Variants in TLCD5 observed in about 807,000 individuals in gnomAD.
TLCD5 encodes the protein TLC domain containing 5, also known as TLC domain-containing protein 5.
A neutral mutation model predicts 20.5 loss-of-function variants in TLCD5; 15 were observed. That is an observed-to-expected ratio of 0.73 (90% CI 0.49 to 1.13). TLCD5 has a LOEUF of 1.13. Among genes scored for constraint, TLCD5 ranks in the 50% most tolerant of loss-of-function variants. TLCD5 has a pLI of 0.00. For missense variants in TLCD5, 289 were observed against 305.6 expected (o/e 0.95, Z 0.41); for synonymous variants, 107 against 114.7 (o/e 0.93, Z 0.43).
At chr11:120,326,188 T>C (rs11217818) in intron 1 of TLCD5, among the ~76,000 whole-genome samples, 25,429 of 150,334 alleles carry the variant, frequency 0.17, 2,457 homozygotes, top group Admixed American at 0.29. Flanking sequence ...TCCTCTTCCT[T>C]CTTTTCTTTT....
chr11:120,327,018 G>A (rs573973377), intron 1 of TLCD5: 9 of 252,254 alleles, frequency 3.6e-5, no homozygotes, highest in African/African-American at 1.6e-4. Flanking sequence ...AGAAACCAAC[G>A]TGGCAGTGTT....
intron 1 of TLCD5, chr11:120,327,201 T>A: frequency 1.5e-6 from 1 of 645,952 alleles, no homozygotes; most frequent in African/African-American, 1.8e-5. Context: ...GGAGTGCAGT[T>A]CCTGGTTTCC....
Position 120,330,005 on chromosome 11 carries a change from T to C in TLCD5, c.228T>C (p.His76=), listed in dbSNP as rs762379755. The C allele has an allele frequency of 5.0e-6, 8 of 1,614,112 alleles. No individual in the cohort carries two copies. The highest frequency in any genetic ancestry group is 2.7e-5 in the African/African-American group (2 of 75,060). ...CACCCAATACACCTCTCCAAGTTCA[T>C]GTCCTGTGTCTCACCTTGGGCTACT... is the stretch of plus-strand genomic sequence containing the variant. The part of the protein sequence containing the change: ...PGSPNTPLQV[H]VLCLTLGYFI... Residue 76 remains histidine (H), a synonymous_variant, in exon 3 of 3, where the codon CAT becomes CAC. Coordinates refer to ENST00000375095, the MANE Select transcript of TLCD5 (RefSeq NM_001198671.2).
intron 2 of TLCD5, among the ~76,000 whole-genome samples, chr11:120,328,842 A>AGTGTGTGTGTGTGTGT (rs67336059): frequency 2.7e-5 from 1 of 36,828 alleles, no homozygotes; most frequent in Admixed American, 3.0e-4. Context: ...TAACAGTCAT[A>AGTGTGTGTGTGTGTGT]GTGTGTGTGT....
intron 1 of TLCD5, chr11:120,327,227 C>G (rs1015933465): frequency 1.3e-6 from 1 of 785,192 alleles, no homozygotes; most frequent in Admixed American, 2.9e-5. Context: ...ACAACATTGA[C>G]CAGTTGCTAA....
chr11:120,327,060 T>G, intron 1 of TLCD5: 2 of 293,114 alleles, frequency 6.8e-6, no homozygotes, highest in Non-Finnish European at 1.3e-5. Context: ...TCATTGGGGT[T>G]TTTGAACTGT....
intron 1 of TLCD5, 149 bp from the exon 2 acceptor site, chr11:120,327,292 A>C: frequency 7.4e-7 from 1 of 1,353,106 alleles, no homozygotes; most frequent in African/African-American, 1.5e-5. Context: ...TAAATAGAAG[A>C]TTCTTGGCCG....
In TLCD5 at chr11:120,327,447, A is replaced by G. The variant is rs772629194; in HGVS notation, c.6A>G (p.Ala2=). M[A]LALCLQVLCS... ...TTTGGTCTTTTCATCACAGGATGGC[A>G]TTAGCTCTGTGTCTGCAGGTGCTGT... Residue 2 remains alanine (A), a synonymous_variant, in exon 2 of 3, where the codon GCA becomes GCG. Coordinates refer to ENST00000375095, the MANE Select transcript of TLCD5 (RefSeq NM_001198671.2). 1.9e-6 allele frequency: 3 copies of G among 1,614,202 alleles called. No individual in the cohort carries two copies. The highest frequency in any genetic ancestry group is 2.5e-6 in the Non-Finnish European group (3 of 1,180,034).
In TLCD5 at chr11:120,330,423, T is replaced by A; in HGVS notation, c.646T>A (p.Trp216Arg). Residue 216 changes from tryptophan (W) to arginine (R), a missense_variant, in exon 3 of 3, where the codon TGG becomes AGG. By Grantham distance (101) the Trp-to-Arg change is moderately radical (BLOSUM62 -3). Coordinates refer to ENST00000375095, the MANE Select transcript of TLCD5 (RefSeq NM_001198671.2). ...CFMFSIWRFA[W>R]RKSIKKYHAW... is the part of the protein sequence containing the mutation. ...CATGTTTAGCATCTGGCGCTTTGCATGGAGGAAGAGCATCAAGAAGTACCA... is the reference window on the plus strand; with the variant it reads ...CATGTTTAGCATCTGGCGCTTTGCAAGGAGGAAGAGCATCAAGAAGTACCA... 1 of 1,614,122 alleles carries A rather than the reference T, an allele frequency of 6.2e-7. No homozygotes were observed. Among genetic ancestry groups the A allele is most frequent in the Non-Finnish European group, 8.5e-7 (1 of 1,180,018 alleles).
At position 120,330,474 on chromosome 11, in the gene TLCD5, G is replaced by A. The variant is rs1247355795; in HGVS notation, c.697G>A (p.Glu233Lys). 1 of 1,613,872 alleles carries A rather than the reference G, an allele frequency of 6.2e-7. No individual in the cohort carries two copies. Among genetic ancestry groups the A allele is most frequent in the East Asian group, 2.2e-5 (1 of 44,900 alleles). The part of the protein sequence containing the change: ...YHAWRSRRSE[E>K]RQLKHNGHLK... ...TGCTTGGAGAAGCAGGCGGAGTGAG[G>A]AACGGCAGCTGAAACACAACGGACA... The change falls in exon 3 of 3, where the codon GAA becomes AAA. Residue 233 changes from glutamate to lysine, a missense_variant. Physicochemically the swap from Glu to Lys is moderately conservative, Grantham distance 56 (BLOSUM62 1). Coordinates refer to ENST00000375095, the MANE Select transcript of TLCD5 (RefSeq NM_001198671.2).
chr11:120,330,271 T>A lies in TLCD5; in HGVS notation c.494T>A (p.Val165Glu), dbSNP rs1321227509. Residue 165 changes from valine (V) to glutamate (E), a missense_variant, in exon 3 of 3, where the codon GTG (valine) becomes GAG (glutamate). Val to Glu is a moderately radical substitution (Grantham distance 121). Transcript: ENST00000375095. ...GGAGATGTAGTGGACTTCCTCTTTG[T>A]GGCTCTGTTCACAGGAGTGAGGATT... ...FTGDVVDFLF[V>E]ALFTGVRIGV... 2 of 1,555,888 alleles carry A rather than the reference T, an allele frequency of 1.3e-6. No individual in the cohort carries two copies. Among genetic ancestry groups the A allele is most frequent in the Admixed American group, 3.9e-5 (2 of 51,420 alleles).
At chr11:120,326,030 C>T (rs1941990505) in intron 1 of TLCD5, among the ~76,000 whole-genome samples, 1 of 152,168 alleles carries the variant, frequency 6.6e-6, no homozygotes, top group African/African-American at 2.4e-5. Context: ...CAGTTCTCTT[C>T]ACCTGGGATA....
chr11:120,327,364 T>C (rs2135162125), intron 1 of TLCD5, 77 bp from the exon 2 acceptor site: 2 of 1,611,064 alleles, frequency 1.2e-6, no homozygotes, highest in Non-Finnish European at 1.7e-6. Context: ...GAAATGAGGA[T>C]ATATACACAA....
chr11:120,328,916 T>G (rs1942076964), intron 2 of TLCD5, among the ~76,000 whole-genome samples: 2 of 111,628 alleles, frequency 1.8e-5, no homozygotes, highest in African/African-American at 4.0e-5. Flanking sequence ...ATAACAGTCA[T>G]AGTGTGTGTG....
chr11:120,327,372 C>T (rs749542181), intron 1 of TLCD5, 69 bp from the exon 2 acceptor site: 62 of 1,612,206 alleles, frequency 3.8e-5, no homozygotes, highest in Non-Finnish European at 5.2e-5. Context: ...GATATATACA[C>T]AAAATGACCC....
rs1363871429 is a variant in TLCD5, at chr11:120,327,426, G to A, written c.-1-15G>A. On this transcript the variant is annotated splice_polypyrimidine_tract_variant and intron_variant, in intron 1 of 2. Transcript: ENST00000375095. ...TGCATCCTTTGTTTTTCTGGTTTTG[G>A]TCTTTTCATCACAGGATGGCATTAG... The A allele has an allele frequency of 6.2e-7, 1 of 1,614,016 alleles. No individual in the cohort carries two copies. The highest frequency in any genetic ancestry group is 1.7e-5 in the Admixed American group (1 of 59,988).
chr11:120,328,897 C>T (rs111494324), intron 2 of TLCD5, among the ~76,000 whole-genome samples: 6 of 135,240 alleles, frequency 4.4e-5, no homozygotes, highest in African/African-American at 1.7e-4. Context: ...GTCCTAATCC[C>T]TTCTAAGGAT....
Position 120,327,143 on chromosome 11 carries a change from A to C in TLCD5, c.-1-298A>C, listed in dbSNP as rs114714425. The stretch of plus-strand genomic sequence containing the variant: ...CAAGGTCAGTCATCGCTAGAGGGTT[A>C]TTATTGACATTTACTCATCATAAAA... On this transcript the variant is annotated intron_variant, in intron 1 of 2. Transcript: ENST00000375095. The C allele has an allele frequency of 3.7e-3, 2,027 of 555,090 alleles. 32 individuals are homozygous for C. The highest frequency in any genetic ancestry group is 0.033 in the African/African-American group (1,776 of 53,170). 34.4% of individuals were successfully genotyped at this position (555,090 alleles called of 1,614,324 possible).
At chr11:120,328,463 A>C (rs1171959519) in intron 2 of TLCD5, among the ~76,000 whole-genome samples, 1 of 152,160 alleles carries the variant, frequency 6.6e-6, no homozygotes, top group African/African-American at 2.4e-5. Context: ...GCTTAACCAG[A>C]TGTTCATTTT....
Sources: allele counts gnomAD v4.1 joint callset (sites outside exome capture counted in the v4.1 genomes callset), GRCh38; gene constraint gnomAD v4.1.1; transcripts MANE v1.5; gene names NCBI Gene and HGNC (gene_info 2026-07-23, HGNC 2026-07-21).